The following MTG1 variants were observed in gnomAD, a reference collection of about 807,000 sequenced individuals.
MTG1 encodes the protein mitochondrial ribosome-associated GTPase 1.
MTG1 carries 30 observed loss-of-function variants against 39.5 expected under a neutral mutation model. The ratio of observed to expected loss-of-function variants is 0.76; its 90% CI spans 0.57 to 1.03. MTG1 has a LOEUF of 1.03. MTG1 is among the 50% of genes least tolerant of loss of function. MTG1 has a pLI of 0.00. For synonymous variants in MTG1, 217 were observed against 179.0 expected (o/e 1.21, Z -1.69); for missense variants, 513 against 447.4 (o/e 1.15, Z -1.32).
At chr10:133,411,637 ATTC>A (rs1031753732) in intron 9 of MTG1, among the ~76,000 whole-genome samples, 10 of 151,658 alleles carry the variant, frequency 6.6e-5, no homozygotes, top group African/African-American at 2.2e-4. Context: ...ATTCCTTTTC[ATTC>A]TTCTTTTTTC....
rs375029369 is a variant in MTG1, at chr10:133,401,609, A to G, written c.573+19A>G. On this transcript the variant is annotated intron_variant, in intron 7 of 10. Coordinates refer to ENST00000317502, the MANE Select transcript of MTG1 (RefSeq NM_138384.4). ...AATTCAGGTGGAGTCCTCAGGGGCC[A>G]GGCCCAGCACTCTGTCAAGAGCTCT... The G allele has an allele frequency of 1.4e-5, 23 of 1,613,360 alleles. No individual in the cohort carries two copies. The Admixed American group carries it at 3.5e-4, about 25-fold the overall frequency.
intron 9 of MTG1, among the ~76,000 whole-genome samples, chr10:133,403,791 C>G (rs1034617769): frequency 2.6e-5 from 4 of 151,560 alleles, no homozygotes; most frequent in African/African-American, 9.7e-5. Context: ...GGGTTAATAC[C>G]TAGGAGTAGA....
chr10:133,398,837 C>T (rs1849826321), intron 4 of MTG1, among the ~76,000 whole-genome samples: 1 of 152,170 alleles, frequency 6.6e-6, no homozygotes, highest in South Asian at 2.1e-4. Context: ...ACAGCTGTCA[C>T]TGAAGCCCCG....
At chr10:133,419,216 G>C (rs540307418) in intron 9 of MTG1, among the ~76,000 whole-genome samples, 2 of 152,356 alleles carry the variant, frequency 1.3e-5, no homozygotes, top group Middle Eastern at 3.4e-3. Context: ...CAAGGGCTCC[G>C]GTGGTGGGAG....
chr10:133,408,213 C>CT (rs1316712992), intron 9 of MTG1, among the ~76,000 whole-genome samples: 2 of 152,206 alleles, frequency 1.3e-5, no homozygotes, highest in East Asian at 3.9e-4. Flanking sequence ...CATGCGTGGC[C>CT]TTTATTGTTT....
intron 6 of MTG1, chr10:133,399,832 A>G: frequency 2.1e-6 from 1 of 469,142 alleles, no homozygotes; most frequent in Non-Finnish European, 3.8e-6. Context: ...TTCACACTTA[A>G]TTTTTCTCTC....
chr10:133,417,799 T>C (rs1400918367), intron 9 of MTG1, among the ~76,000 whole-genome samples: 3 of 152,126 alleles, frequency 2.0e-5, no homozygotes, highest in Admixed American at 2.0e-4. Flanking sequence ...ATAAAATACC[T>C]AGGAATCCAA....
intron 7 of MTG1, 104 bp downstream of exon 7, chr10:133,401,694 C>T (rs1166749870): frequency 1.5e-5 from 16 of 1,095,018 alleles, no homozygotes; most frequent in Non-Finnish European, 2.2e-5. Context: ...ACGCTTCCCT[C>T]CCCTCCACTC....
rs746023234 is a variant in MTG1, at chr10:133,422,482, C to A, written c.*2317C>A. 1.3e-5 allele frequency: 2 copies of A among 152,288 alleles called. No homozygotes were observed. Among genetic ancestry groups the A allele is most frequent in the Non-Finnish European group, 2.9e-5 (2 of 68,106 alleles). 9.4% of individuals were successfully genotyped at this position (152,288 alleles called of 1,614,324 possible). A position where few individuals can be genotyped will look rare whatever the true frequency, so the allele number is the denominator to read the frequency against. ...CTGGAATGTGTTGGTTTTTCCCCCCCAAAATGGGTCCTAAGGAGGGTAAAG... is the reference window on the plus strand; with the variant it reads ...CTGGAATGTGTTGGTTTTTCCCCCCAAAAATGGGTCCTAAGGAGGGTAAAG... On this transcript the variant is annotated 3_prime_UTR_variant, in exon 11 of 11. Coordinates refer to ENST00000317502, the MANE Select transcript of MTG1 (RefSeq NM_138384.4).
rs983611926 is a variant in MTG1, at chr10:133,411,789, A to AT, written c.753-7679dup. Among the ~76,000 whole-genome samples the AT allele has an allele frequency of 3.8e-3, 538 of 140,614 alleles. 2 individuals carry two copies. The highest frequency in any genetic ancestry group is 0.011 in the African/African-American group (433 of 38,156). The allele number at this position is 140,614 out of a possible 152,430, so 92.2% of individuals were successfully genotyped here. ...TTTTTACTTCCAGGATTTCTGTTTG[A>AT]TTTTTTTTTTTTAATTTCAATCTCT... On this transcript the variant is annotated intron_variant, in intron 9 of 10. Transcript: ENST00000317502.
chr10:133,395,949 C>T (rs923054719), intron 2 of MTG1, among the ~76,000 whole-genome samples, 172 bp downstream of exon 2: 4 of 152,170 alleles, frequency 2.6e-5, no homozygotes, highest in Non-Finnish European at 5.9e-5. Flanking sequence ...ATTGTTAATA[C>T]ATATATCTGC....
intron 3 of MTG1, 147 bp downstream of exon 3, chr10:133,396,414 G>A (rs1022659171): frequency 2.4e-5 from 17 of 695,940 alleles, no homozygotes; most frequent in African/African-American, 7.2e-5. Context: ...TTGCAGAAGC[G>A]TGCCAGCATC....
chr10:133,399,143 G>A (rs753306082), intron 4 of MTG1, 27 bp from the exon 5 acceptor site: 9 of 1,614,022 alleles, frequency 5.6e-6, no homozygotes, highest in African/African-American at 1.3e-5. Context: ...GACCTGGGGT[G>A]GCTCCATGAG....
intron 6 of MTG1, among the ~76,000 whole-genome samples, chr10:133,400,997 A>G (rs998128193): frequency 6.6e-6 from 1 of 152,208 alleles, no homozygotes; most frequent in African/African-American, 2.4e-5. Context: ...CTGGATGGAC[A>G]CTTGTGTTTT....
At chr10:133,414,854 A>G (rs1247272172) in intron 9 of MTG1, among the ~76,000 whole-genome samples, 1 of 152,206 alleles carries the variant, frequency 6.6e-6, no homozygotes, top group Non-Finnish European at 1.5e-5. Flanking sequence ...AGATCACACC[A>G]CTGCACTCCA....
intron 6 of MTG1, among the ~76,000 whole-genome samples, chr10:133,401,180 T>G (rs564667551): frequency 6.6e-6 from 1 of 152,230 alleles, no homozygotes; most frequent in South Asian, 2.1e-4. Flanking sequence ...GCAGCTCAGG[T>G]CTGACCTCCG....
At position 133,402,652 on chromosome 10, in the gene MTG1, T is replaced by G; in HGVS notation, c.671-40T>G. ...TTTGAACTTGGCAGGAACATAGATGTGGCTGTTTCCAGTGCTCACCTCGGC... is the reference window on the plus strand; with the variant it reads ...TTTGAACTTGGCAGGAACATAGATGGGGCTGTTTCCAGTGCTCACCTCGGC... On this transcript the variant is annotated intron_variant, in intron 8 of 10. Coordinates refer to ENST00000317502, the MANE Select transcript of MTG1 (RefSeq NM_138384.4). The surrounding 1 kb of genome is among the most constrained non-coding windows in gnomAD (Gnocchi z 4.7). The G allele has an allele frequency of 6.5e-7, 1 of 1,542,272 alleles. No individual in the cohort carries two copies.
chr10:133,394,344 CG>C lies in MTG1; in HGVS notation c.112+16del. 6.7e-7 allele frequency: 1 copy of C among 1,487,556 alleles called. No individual in the cohort carries two copies. 92.1% of individuals were successfully genotyped at this position (1,487,556 alleles called of 1,614,324 possible). A position where few individuals can be genotyped will look rare whatever the true frequency, so the allele number is the denominator to read the frequency against. On this transcript the variant is annotated intron_variant, in intron 1 of 10. Transcript: ENST00000317502. ...CCACATGGCCAAGGGTGAGGCACGG[CG>C]GGGAGGGGCAAGGTCATGCCTACGG...
intron 9 of MTG1, among the ~76,000 whole-genome samples, chr10:133,403,679 G>A (rs1026272592): frequency 2.6e-5 from 4 of 152,208 alleles, no homozygotes; most frequent in Non-Finnish European, 5.9e-5. Flanking sequence ...CCCGTTGATG[G>A]ATATGTGGGT....
Sources: allele counts gnomAD v4.1 joint callset (sites outside exome capture counted in the v4.1 genomes callset), GRCh38; gene constraint gnomAD v4.1.1; non-coding constraint Gnocchi (gnomAD v3.1); transcripts MANE v1.5; gene names NCBI Gene and HGNC (gene_info 2026-07-23, HGNC 2026-07-21).